The following PRICKLE1 variants were observed in gnomAD, a reference collection of about 807,000 sequenced individuals.
PRICKLE1 encodes the protein prickle-like protein 1.
In PRICKLE1, 14 loss-of-function variants were observed where a neutral mutation model predicts 70.2. The ratio of observed to expected loss-of-function variants is 0.20; its 90% CI spans 0.13 to 0.31. The LOEUF (loss-of-function observed/expected upper bound fraction) is 0.31. PRICKLE1 is among the 10% of genes least tolerant of loss of function. The probability of loss-of-function intolerance (pLI) is 1.00; values close to 1 mark genes in which losing one functional copy is unlikely to be tolerated. For missense variants in PRICKLE1, 821 were observed against 1,026.2 expected (o/e 0.80, Z 2.73); for synonymous variants, 357 against 379.9 (o/e 0.94, Z 0.70).
intron 1 of PRICKLE1, among the ~76,000 whole-genome samples, chr12:42,572,398 T>C (rs1566132079): frequency 6.6e-6 from 1 of 151,720 alleles, no homozygotes. Flanking sequence ...ATTGTGCCAT[T>C]GCACTCCAGC....
At chr12:42,533,250 T>C (rs375950043) in intron 1 of PRICKLE1, among the ~76,000 whole-genome samples, 8 of 151,634 alleles carry the variant, frequency 5.3e-5, no homozygotes, top group African/African-American at 1.7e-4. Flanking sequence ...CGTTTGACAA[T>C]AAATCTATAT....
intron 1 of PRICKLE1, among the ~76,000 whole-genome samples, chr12:42,477,543 A>G (rs1477047730): frequency 7.3e-6 from 1 of 137,834 alleles, no homozygotes; most frequent in African/African-American, 2.8e-5. Context: ...TGACCTCACA[A>G]ATAACCCTTC....
chr12:42,498,555 G>C (rs1385993116), intron 1 of PRICKLE1, among the ~76,000 whole-genome samples: 1 of 152,162 alleles, frequency 6.6e-6, no homozygotes, highest in Non-Finnish European at 1.5e-5. Context: ...GGCTGAGGCA[G>C]GAGGATTGTT....
intron 1 of PRICKLE1, among the ~76,000 whole-genome samples, chr12:42,562,266 A>G (rs1332403690): frequency 6.6e-6 from 1 of 152,192 alleles, no homozygotes; most frequent in African/African-American, 2.4e-5. Flanking sequence ...TGTGCAGTAG[A>G]AAATTAAAGT....
intron 1 of PRICKLE1, among the ~76,000 whole-genome samples, chr12:42,484,659 G>A (rs1329379849): frequency 6.6e-6 from 1 of 152,168 alleles, no homozygotes; most frequent in Non-Finnish European, 1.5e-5. Context: ...TTACAAATAG[G>A]TTAAGTGAAT....
At chr12:42,465,396 ATTCT>A in intron 6 of PRICKLE1, 138 bp from the exon 7 acceptor site, 9 of 771,384 alleles carry the variant, frequency 1.2e-5, no homozygotes, top group Non-Finnish European at 1.5e-5. Flanking sequence ...ATTAATCCTC[ATTCT>A]TTGTGGATTC....
chr12:42,573,812 A>C (rs1266643603), intron 1 of PRICKLE1, among the ~76,000 whole-genome samples: 1 of 152,174 alleles, frequency 6.6e-6, no homozygotes, highest in Non-Finnish European at 1.5e-5. Flanking sequence ...TAGGATTAAA[A>C]GGCATGAGCC....
At chr12:42,505,784 A>C (rs1458006701) in intron 1 of PRICKLE1, among the ~76,000 whole-genome samples, 1 of 152,168 alleles carries the variant, frequency 6.6e-6, no homozygotes, top group Non-Finnish European at 1.5e-5. Flanking sequence ...TGCTGAGTGG[A>C]CTGGCAATGT....
rs562710168 is a variant in PRICKLE1 at position 42,458,000 on chromosome 12, G to A, written c.*1809C>T. On this transcript the variant is annotated 3_prime_UTR_variant, in exon 8 of 8. Coordinates refer to ENST00000345127, the MANE Select transcript of PRICKLE1 (RefSeq NM_153026.3). ...TTTTAAAGGCACCAGACCAGGGAAT[G>A]TAAGTTACTGAGTGAAGAACTCTCT... The A allele has an allele frequency of 1.3e-5, 2 of 152,324 alleles. No individual in the cohort carries two copies. The highest frequency in any genetic ancestry group is 1.3e-4 in the Admixed American group (2 of 15,306). 9.4% of individuals were successfully genotyped at this position (152,324 alleles called of 1,614,324 possible).
At chr12:42,471,790 T>G (rs1455859193) in intron 2 of PRICKLE1, among the ~76,000 whole-genome samples, 2 of 152,200 alleles carry the variant, frequency 1.3e-5, no homozygotes, top group African/African-American at 4.8e-5. Flanking sequence ...TAAATAGGCA[T>G]ATGGAATGTT....
At chr12:42,527,018 C>T (rs1353401165) in intron 1 of PRICKLE1, among the ~76,000 whole-genome samples, 2 of 151,348 alleles carry the variant, frequency 1.3e-5, no homozygotes, top group East Asian at 1.9e-4. Context: ...CCAGCACTAT[C>T]GCCACACATT....
At chr12:42,474,756 T>C (rs939777551) in intron 1 of PRICKLE1, among the ~76,000 whole-genome samples, 4 of 152,210 alleles carry the variant, frequency 2.6e-5, no homozygotes, top group Admixed American at 6.5e-5. Context: ...ATGAGTGCCT[T>C]CAATGAAATT....
chr12:42,512,143 A>G (rs1375888146), intron 1 of PRICKLE1, among the ~76,000 whole-genome samples: 2 of 151,952 alleles, frequency 1.3e-5, no homozygotes, highest in Non-Finnish European at 2.9e-5. Context: ...GATAGGGTTC[A>G]GACAAAGTTT....
intron 1 of PRICKLE1, among the ~76,000 whole-genome samples, chr12:42,573,730 T>C (rs540800828): frequency 3.9e-5 from 6 of 152,210 alleles, no homozygotes; most frequent in African/African-American, 1.4e-4. Context: ...AGGTGGGATT[T>C]TGCCATCTTG....
At chr12:42,489,651 C>T (rs866357499) in intron 1 of PRICKLE1, 250 of 93,624 alleles carry the variant, frequency 2.7e-3, no homozygotes, top group African/African-American at 1.0e-2. Flanking sequence ...AAGAGCGAGA[C>T]TTCTCTAAAA....
rs147642133 is a variant in PRICKLE1 at position 42,558,036 on chromosome 12, C to T, written c.-49+31429G>A. On this transcript the variant is annotated intron_variant, in intron 1 of 7. Transcript: ENST00000345127. The stretch of plus-strand genomic sequence containing the variant: ...GATGACAGCCTCCAAATCAGGCTTC[C>T]GAGTAAGTCAGTCTTTATCTAGTTG... 1.5e-4 allele frequency among the ~76,000 whole-genome samples: 23 copies of T among 152,182 alleles called. No individual in the cohort carries two copies. The East Asian group carries it at 4.4e-3, about 29-fold the overall frequency.
chr12:42,508,922 A>G (rs1166672147), intron 1 of PRICKLE1, among the ~76,000 whole-genome samples: 1 of 152,168 alleles, frequency 6.6e-6, no homozygotes, highest in Non-Finnish European at 1.5e-5. Context: ...ATGAAATCCT[A>G]TAATTCTCTG....
chr12:42,546,673 G>A (rs746036587), intron 1 of PRICKLE1, among the ~76,000 whole-genome samples: 1 of 152,122 alleles, frequency 6.6e-6, no homozygotes, highest in Admixed American at 6.6e-5. Flanking sequence ...AGGATTGCTC[G>A]AACCTCAGAG....
chr12:42,579,434 T>C (rs1940861350), intron 1 of PRICKLE1, among the ~76,000 whole-genome samples: 1 of 152,262 alleles, frequency 6.6e-6, no homozygotes. Context: ...TACAATACTC[T>C]GAACCAGCTC....
Sources: allele counts gnomAD v4.1 joint callset (sites outside exome capture counted in the v4.1 genomes callset), GRCh38; gene constraint gnomAD v4.1.1; transcripts MANE v1.5; gene names NCBI Gene and HGNC (gene_info 2026-07-23, HGNC 2026-07-21).